RALGAPA2: variants seen among roughly 807,000 people sequenced by gnomAD.
RALGAPA2 encodes ral GTPase-activating protein subunit alpha-2.
Under a neutral mutation model 230.4 loss-of-function variants are expected in RALGAPA2, and 139 were observed. That is an observed-to-expected ratio of 0.60 (90% confidence interval 0.53 to 0.69). The LOEUF (loss-of-function observed/expected upper bound fraction) is 0.69, where lower values mean the gene tolerates loss of function less well. RALGAPA2 is among the 30% of genes least tolerant of loss of function. RALGAPA2 has a pLI of 0.00. For missense variants in RALGAPA2, 2,163 were observed against 2,276.0 expected (o/e 0.95, Z 1.01); for synonymous variants, 847 against 837.8 (o/e 1.01, Z -0.19).
intron 10 of RALGAPA2, among the ~76,000 whole-genome samples, chr20:20,624,732 A>G (rs943551722): frequency 4.0e-5 from 6 of 151,722 alleles, no homozygotes; most frequent in African/African-American, 1.5e-4. Context: ...CGTTATTATA[A>G]TTTTTTTTTA....
chr20:20,401,042 G>T (rs997412022), intron 38 of RALGAPA2, among the ~76,000 whole-genome samples: 1 of 152,064 alleles, frequency 6.6e-6, no homozygotes, highest in Non-Finnish European at 1.5e-5. Flanking sequence ...GGGAGAAGTG[G>T]GATTGCCTAT....
chr20:20,656,737 A>C (rs192941703), intron 3 of RALGAPA2, among the ~76,000 whole-genome samples: 1 of 152,326 alleles, frequency 6.6e-6, no homozygotes, highest in East Asian at 1.9e-4. Context: ...ACAGAACCTA[A>C]ACTCAAACAT....
At chr20:20,546,901 G>C in intron 23 of RALGAPA2, 69 bp from the exon 24 acceptor site, 2 of 1,458,436 alleles carry the variant, frequency 1.4e-6, no homozygotes, top group Non-Finnish European at 1.8e-6. Context: ...AGTGTTTGTA[G>C]TGGTACATAT....
intron 1 of RALGAPA2, among the ~76,000 whole-genome samples, chr20:20,685,473 T>C (rs540191666): frequency 2.0e-5 from 3 of 152,122 alleles, no homozygotes; most frequent in African/African-American, 7.2e-5. Context: ...CCCAATGAAA[T>C]AGATGGGCAG....
intron 37 of RALGAPA2, chr20:20,470,907 T>C (rs2061525536): frequency 6.6e-6 from 1 of 152,208 alleles, no homozygotes; most frequent in Non-Finnish European, 1.5e-5. Context: ...ACTCCATCTC[T>C]ATAAAAAATT....
At chr20:20,710,328 T>C (rs1335212401) in intron 1 of RALGAPA2, among the ~76,000 whole-genome samples, 1 of 151,528 alleles carries the variant, frequency 6.6e-6, no homozygotes, top group Non-Finnish European at 1.5e-5. Flanking sequence ...GTTTTCTAAG[T>C]AGACTTTTTT....
intron 37 of RALGAPA2, among the ~76,000 whole-genome samples, chr20:20,456,746 C>A (rs1468333935): frequency 6.6e-6 from 1 of 152,238 alleles, no homozygotes; most frequent in Non-Finnish European, 1.5e-5. Flanking sequence ...TAAGAACCAT[C>A]CAGCTGAGCC....
chr20:20,647,928 C>G (rs2067270363), intron 4 of RALGAPA2, among the ~76,000 whole-genome samples: 1 of 152,130 alleles, frequency 6.6e-6, no homozygotes, highest in African/African-American at 2.4e-5. Context: ...AATGGTACAA[C>G]CACTTTGGAA....
intron 14 of RALGAPA2, 64 bp downstream of exon 14, chr20:20,611,251 A>G (rs1603053722): frequency 1.3e-6 from 2 of 1,514,584 alleles, no homozygotes; most frequent in East Asian, 4.6e-5. Flanking sequence ...AATGATTAAA[A>G]CTAGTTTGCT....
intron 39 of RALGAPA2, among the ~76,000 whole-genome samples, chr20:20,394,032 C>T (rs964011099): frequency 7.2e-5 from 11 of 152,198 alleles, no homozygotes; most frequent in Admixed American, 5.9e-4. Flanking sequence ...TCCTGCATGA[C>T]CTCTGCTGGG....
chr20:20,445,945 T>G (rs950359010), intron 37 of RALGAPA2, among the ~76,000 whole-genome samples: 1 of 152,170 alleles, frequency 6.6e-6, no homozygotes, highest in African/African-American at 2.4e-5. Flanking sequence ...ACATTTGCTT[T>G]GGAAAAAACA....
At chr20:20,524,712 T>C (rs2063148627) in intron 29 of RALGAPA2, 118 bp downstream of exon 29, 1 of 1,293,442 alleles carries the variant, frequency 7.7e-7, no homozygotes, top group Admixed American at 2.6e-5. Context: ...AAAAAGACTG[T>C]TAAGGCCAAT....
intron 37 of RALGAPA2, among the ~76,000 whole-genome samples, chr20:20,432,117 T>C (rs973946110): frequency 6.6e-6 from 1 of 152,198 alleles, no homozygotes; most frequent in Admixed American, 6.5e-5. Flanking sequence ...GGAACCACCG[T>C]TGTTCCAAGG....
chr20:20,504,618 T>C (rs1189459058), intron 34 of RALGAPA2, among the ~76,000 whole-genome samples: 1 of 151,782 alleles, frequency 6.6e-6, no homozygotes, highest in Admixed American at 6.6e-5. Flanking sequence ...CCCAGCTACT[T>C]GGGAGGCTGA....
chr20:20,424,566 A>G (rs970996403), intron 37 of RALGAPA2, among the ~76,000 whole-genome samples: 10 of 152,342 alleles, frequency 6.6e-5, no homozygotes, highest in Middle Eastern at 3.4e-3. Context: ...TAAAGACATC[A>G]TATGTTAGAA....
intron 24 of RALGAPA2, among the ~76,000 whole-genome samples, chr20:20,542,084 C>T (rs1260822243): frequency 2.6e-5 from 4 of 152,086 alleles, no homozygotes; most frequent in Non-Finnish European, 5.9e-5. Context: ...AATCAATGTG[C>T]AAAAATCACA....
chr20:20,524,629 A>G, intron 29 of RALGAPA2, 86 bp from the exon 30 acceptor site: 6 of 1,534,960 alleles, frequency 3.9e-6, no homozygotes, highest in Non-Finnish European at 5.4e-6. Flanking sequence ...CCCTACACCC[A>G]GTATTCAGTG....
At chr20:20,411,460 G>A (rs2060057358) in intron 38 of RALGAPA2, among the ~76,000 whole-genome samples, 1 of 152,120 alleles carries the variant, frequency 6.6e-6, no homozygotes, top group African/African-American at 2.4e-5. Context: ...ATTATTGTAA[G>A]CTAGTTTCTA....
At chr20:20,444,865 C>T (rs181334929) in intron 37 of RALGAPA2, among the ~76,000 whole-genome samples, 1 of 152,324 alleles carries the variant, frequency 6.6e-6, no homozygotes, top group African/African-American at 2.4e-5. Context: ...AGAAGTAATT[C>T]GTGTTTTAAA....
Sources: gnomAD v4.1 joint callset for allele counts (sites outside exome capture counted in the v4.1 genomes callset) on GRCh38, gnomAD v4.1.1 for gene constraint, MANE v1.5 for transcripts, NCBI Gene and HGNC (gene_info 2026-07-23, HGNC 2026-07-21) for gene names.